LUZP2: variants seen among roughly 807,000 people sequenced by gnomAD.
LUZP2 encodes the protein leucine zipper protein 2.
LUZP2 carries 52 observed loss-of-function variants against 51.6 expected under a neutral mutation model. That is an observed-to-expected ratio of 1.01 (90% CI 0.81 to 1.27). LUZP2 has a LOEUF of 1.27. LUZP2 is among the 50% of genes most tolerant of loss of function. The pLI is 0.00. For missense variants in LUZP2, 436 were observed against 395.4 expected (o/e 1.10, Z -0.87); for synonymous variants, 154 against 137.3 (o/e 1.12, Z -0.85).
In LUZP2 at chr11:24,957,976, C is replaced by T. The variant is rs1855259915; in HGVS notation, c.523-18615C>T. Among the ~76,000 whole-genome samples, 5 of 152,140 alleles carry T rather than the reference C, an allele frequency of 3.3e-5. No homozygotes were observed. The South Asian group carries it at 1.0e-3, about 32-fold the overall frequency. ...TCCATGTGTTCTCATTGTTCAGTTC[C>T]CACCTATGAGTGAGAATATGCGATG... On this transcript the variant is annotated intron_variant, in intron 7 of 11. Transcript: ENST00000336930.
intron 7 of LUZP2, among the ~76,000 whole-genome samples, chr11:24,926,551 A>G (rs1385391358): frequency 6.8e-6 from 1 of 147,138 alleles, no homozygotes; most frequent in Non-Finnish European, 1.5e-5. Flanking sequence ...ATACGTGTAT[A>G]TATATGTGTG....
chr11:25,022,162 A>G (rs1270538231), intron 9 of LUZP2, among the ~76,000 whole-genome samples: 2 of 152,084 alleles, frequency 1.3e-5, no homozygotes, highest in East Asian at 3.9e-4. Flanking sequence ...ACTTGACCCC[A>G]GAAGGGTCAG....
intron 1 of LUZP2, among the ~76,000 whole-genome samples, chr11:24,621,446 G>A (rs1169567923): frequency 6.6e-6 from 1 of 152,062 alleles, no homozygotes; most frequent in South Asian, 2.1e-4. Context: ...GACTCACTGA[G>A]CAGGTCCTAT....
intron 5 of LUZP2, among the ~76,000 whole-genome samples, chr11:24,845,742 G>GCT (rs201976069): frequency 1.4e-5 from 2 of 146,956 alleles, no homozygotes; most frequent in African/African-American, 5.1e-5. Context: ...TCCTGCACAA[G>GCT]CTCTCTCTCT....
chr11:24,699,086 A>AACACACACACACACACAC, intron 1 of LUZP2, among the ~76,000 whole-genome samples: 1 of 138,460 alleles, frequency 7.2e-6, no homozygotes, highest in East Asian at 2.2e-4. Context: ...AAACCACAGA[A>AACACACACACACACACAC]ACACACACAC....
chr11:24,905,292 G>T (rs542351854), intron 5 of LUZP2, among the ~76,000 whole-genome samples: 4 of 152,090 alleles, frequency 2.6e-5, no homozygotes, highest in Non-Finnish European at 2.9e-5. Flanking sequence ...TTGTGAGGCC[G>T]AGGCAGGCCG....
intron 1 of LUZP2, among the ~76,000 whole-genome samples, chr11:24,568,510 C>T (rs1852323219): frequency 6.6e-6 from 1 of 151,550 alleles, no homozygotes; most frequent in South Asian, 2.1e-4. Context: ...ATGTATGCAT[C>T]TAAAAACAGA....
intron 5 of LUZP2, among the ~76,000 whole-genome samples, chr11:24,801,126 A>G (rs895908344): frequency 6.6e-6 from 1 of 152,192 alleles, no homozygotes; most frequent in Non-Finnish European, 1.5e-5. Context: ...TTCAAGTATC[A>G]TAAGGGAATG....
chr11:24,891,998 C>T, intron 5 of LUZP2: 3 of 985,520 alleles, frequency 3.0e-6, no homozygotes, highest in South Asian at 9.4e-5. Flanking sequence ...TGGCATGGGA[C>T]TGGTAGTGCA....
intron 5 of LUZP2, among the ~76,000 whole-genome samples, chr11:24,826,473 T>C (rs1444583364): frequency 4.6e-5 from 7 of 151,546 alleles, no homozygotes; most frequent in Non-Finnish European, 1.0e-4. Context: ...AGTTGTAAAT[T>C]CACAGAACAC....
chr11:24,769,693 A>ATGTTTTT (rs1554988274), intron 5 of LUZP2, among the ~76,000 whole-genome samples: 9,111 of 104,834 alleles, frequency 0.087, 629 homozygotes, highest in African/African-American at 0.21. Flanking sequence ...ATGGTGGTCT[A>ATGTTTTT]TTTTTTTTTT....
At chr11:24,809,048 T>C (rs534291599) in intron 5 of LUZP2, among the ~76,000 whole-genome samples, 1 of 152,154 alleles carries the variant, frequency 6.6e-6, no homozygotes, top group South Asian at 2.1e-4. Context: ...GCTATTCATA[T>C]GTGGTCACTG....
At chr11:24,755,674 C>T (rs1000728249) in intron 4 of LUZP2, among the ~76,000 whole-genome samples, 3 of 152,074 alleles carry the variant, frequency 2.0e-5, no homozygotes, top group Admixed American at 6.6e-5. Flanking sequence ...TGCCTCATTA[C>T]ACTCTTTCTT....
At chr11:24,823,389 GAA>G (rs58275746) in intron 5 of LUZP2, among the ~76,000 whole-genome samples, 18,650 of 92,638 alleles carry the variant, frequency 0.2, 1,188 homozygotes, top group Admixed American at 0.25. Context: ...AATGAATTCA[GAA>G]AAAAAAAAAA....
At chr11:24,583,828 C>T (rs558715968) in intron 1 of LUZP2, among the ~76,000 whole-genome samples, 3 of 151,216 alleles carry the variant, frequency 2.0e-5, no homozygotes, top group Admixed American at 6.6e-5. Context: ...CTCATCCTCC[C>T]GAGTAGCTGG....
In LUZP2 at chr11:25,030,891, T is replaced by TA. The variant is rs1590856015; in HGVS notation, c.766-19147_766-19146insA. Among the ~76,000 whole-genome samples the TA allele has an allele frequency of 2.1e-3, 80 of 38,456 alleles. 3 individuals are homozygous for TA. In the East Asian group the frequency reaches 0.025, roughly 12 times the overall value. 25.2% of individuals were successfully genotyped at this position (38,456 alleles called of 152,430 possible). A position where few individuals can be genotyped will look rare whatever the true frequency, so the allele number is the denominator to read the frequency against. ...GTGTATATGTGTGTTACTATATATA[T>TA]TATATATATATATAATATATATTGT... On this transcript the variant is annotated intron_variant, in intron 9 of 11. Transcript: ENST00000336930.
At chr11:24,835,594 G>A (rs1251739270) in intron 5 of LUZP2, among the ~76,000 whole-genome samples, 4 of 152,066 alleles carry the variant, frequency 2.6e-5, no homozygotes, top group Admixed American at 1.3e-4. Flanking sequence ...TCAGATTACA[G>A]ATAAGATAAT....
intron 1 of LUZP2, among the ~76,000 whole-genome samples, chr11:24,664,542 C>T (rs1016533394): frequency 7.9e-5 from 12 of 152,098 alleles, no homozygotes; most frequent in African/African-American, 2.9e-4. Flanking sequence ...CCTCCTCCCC[C>T]ACTCCATCAC....
chr11:24,550,981 A>C (rs558587240), intron 1 of LUZP2, among the ~76,000 whole-genome samples: 2 of 152,176 alleles, frequency 1.3e-5, no homozygotes, highest in East Asian at 1.9e-4. Flanking sequence ...TATGTTTTTT[A>C]TACTTTAATT....
Sources: allele counts gnomAD v4.1 joint callset (sites outside exome capture counted in the v4.1 genomes callset), GRCh38; gene constraint gnomAD v4.1.1; transcripts MANE v1.5; gene names NCBI Gene and HGNC (gene_info 2026-07-23, HGNC 2026-07-21).